Variants in GSE1 observed in about 807,000 individuals in gnomAD.
GSE1 encodes the protein Gse1 coiled-coil protein, also known as genetic suppressor element 1.
In GSE1, 32 loss-of-function variants were observed where a neutral mutation model predicts 112.6. That is an observed-to-expected ratio of 0.28 (90% CI 0.21 to 0.38). The LOEUF is 0.38. Ranked by LOEUF, GSE1 falls within the 10% of genes least tolerant of loss-of-function variation. The pLI, the probability that GSE1 is intolerant of heterozygous loss-of-function variation, is 1.00. For synonymous variants in GSE1, 1,115 were observed against 735.6 expected, an observed-to-expected ratio of 1.52 and a Z score of -8.35; for missense variants, 2,348 against 1,699.2, an observed-to-expected ratio of 1.38 and a Z score of -6.71.
At chr16:85,437,749 A>C (rs1187705745) in intron 2 of GSE1, among the ~76,000 whole-genome samples, 1 of 152,158 alleles carries the variant, frequency 6.6e-6, no homozygotes, top group Non-Finnish European at 1.5e-5. Context: ...GAATCCACAG[A>C]TCAGGGCTGG....
intron 1 of GSE1, among the ~76,000 whole-genome samples, chr16:85,176,458 G>C (rs1420098047): frequency 6.6e-6 from 1 of 152,250 alleles, no homozygotes. Context: ...GAGCAGTGGT[G>C]CCCCGTGCCT....
At chr16:85,281,785 G>T (rs186203104) in intron 1 of GSE1, among the ~76,000 whole-genome samples, 57 of 152,264 alleles carry the variant, frequency 3.7e-4, no homozygotes, top group Non-Finnish European at 6.5e-4. Flanking sequence ...TGTGCACGGG[G>T]TTAGTGTTGC....
chr16:85,364,201 G>A (rs117336357), intron 2 of GSE1, among the ~76,000 whole-genome samples: 92 of 152,250 alleles, frequency 6.0e-4, no homozygotes, highest in East Asian at 5.6e-3. Context: ...CTTGACTTGC[G>A]GCCCCTCCCT....
intron 2 of GSE1, among the ~76,000 whole-genome samples, chr16:85,426,357 G>T (rs2048988228): frequency 6.6e-6 from 1 of 151,002 alleles, no homozygotes; most frequent in African/African-American, 2.4e-5. Context: ...AAGAAGGGTG[G>T]GTGGGCTGGT....
At chr16:85,575,470 T>TCCCTCTCGTCTCCCCTCTCGTCTC (rs367924751) in intron 1 of GSE1, among the ~76,000 whole-genome samples, 3 of 152,080 alleles carry the variant, frequency 2.0e-5, no homozygotes, top group Non-Finnish European at 4.4e-5. Context: ...GGGACCGGCT[T>TCCCTCTCGTCTCCCCTCTCGTCTC]CCCTCTCGTC....
intron 2 of GSE1, among the ~76,000 whole-genome samples, chr16:85,530,586 C>T (rs1365851987): frequency 6.6e-6 from 1 of 152,172 alleles, no homozygotes; most frequent in Non-Finnish European, 1.5e-5. Flanking sequence ...CCTTGGGTGA[C>T]ATGCCTGCGA....
intron 1 of GSE1, among the ~76,000 whole-genome samples, chr16:85,334,277 G>A (rs745713282): frequency 1.3e-5 from 2 of 152,236 alleles, no homozygotes; most frequent in Non-Finnish European, 2.9e-5. Flanking sequence ...TTGCCACCTG[G>A]TGGCCCTGGG....
chr16:85,655,098 G>A (rs2051805770), intron 5 of GSE1, 107 bp downstream of exon 5: 3 of 778,960 alleles, frequency 3.9e-6, no homozygotes, highest in South Asian at 1.5e-5. Context: ...AGGCTCCTAG[G>A]GGAGGGTCTA....
At position 85,672,470 on chromosome 16, in the gene GSE1, C is replaced by T; in HGVS notation, c.3585C>T (p.His1195=). The stretch of plus-strand genomic sequence containing the variant: ...AGCGGCTCCAGGCAGAACTGGACCA[C>T]TTACGAAAGTGCCTTGCCTTGCCTG... ...ERERLQAELD[H]LRKCLALPAM... is the part of the protein sequence containing the mutation. The change falls in exon 16 of 16, where the codon CAC becomes CAT. Residue 1195 remains histidine (H), a synonymous_variant. Transcript: ENST00000253458. 1 of 1,611,216 alleles carries T rather than the reference C, an allele frequency of 6.2e-7. No homozygotes were observed. Among genetic ancestry groups the T allele is most frequent in the East Asian group, 2.2e-5 (1 of 44,854 alleles).
In GSE1 at chr16:85,675,597, G is replaced by T. The variant is rs1053718981; in HGVS notation, c.*3058G>T. On this transcript the variant is annotated 3_prime_UTR_variant, in exon 16 of 16. Coordinates refer to ENST00000253458, the MANE Select transcript of GSE1 (RefSeq NM_014615.5). ...TCAGCAGTGAAGGATTCTAACACAG[G>T]GAATCTGCAGTTTGTAGCAGAATGG... The T allele has an allele frequency of 3.3e-4, 51 of 152,246 alleles. No individual in the cohort carries two copies. Among genetic ancestry groups the T allele is most frequent in the African/African-American group, 1.1e-3 (46 of 41,540 alleles). 9.4% of individuals were successfully genotyped at this position (152,246 alleles called of 1,614,324 possible). A position where few individuals can be genotyped will look rare whatever the true frequency, so the allele number is the denominator to read the frequency against.
chr16:85,458,115 C>T (rs1218475742), intron 2 of GSE1, among the ~76,000 whole-genome samples: 1 of 152,238 alleles, frequency 6.6e-6, no homozygotes, highest in Non-Finnish European at 1.5e-5. Flanking sequence ...CGGGCTTCCT[C>T]AGAGGCCCCT....
At chr16:85,465,737 C>G in intron 2 of GSE1, among the ~76,000 whole-genome samples, 1 of 152,198 alleles carries the variant, frequency 6.6e-6, no homozygotes, top group East Asian at 1.9e-4. Context: ...TACATTTGTA[C>G]CTATTTTCTC....
intron 1 of GSE1, among the ~76,000 whole-genome samples, chr16:85,327,063 A>G (rs1424556687): frequency 6.6e-6 from 1 of 152,200 alleles, no homozygotes; most frequent in Non-Finnish European, 1.5e-5. Flanking sequence ...GCGTGCACCT[A>G]CCACAGGGCT....
At chr16:85,520,598 T>G (rs1270621113) in intron 2 of GSE1, among the ~76,000 whole-genome samples, 1 of 152,000 alleles carries the variant, frequency 6.6e-6, no homozygotes, top group Non-Finnish European at 1.5e-5. Context: ...ATTTTTGTTT[T>G]TTTTAGTAGA....
chr16:85,632,561 C>T (rs781606624), intron 1 of GSE1, among the ~76,000 whole-genome samples: 3 of 152,222 alleles, frequency 2.0e-5, no homozygotes, highest in Non-Finnish European at 2.9e-5. Flanking sequence ...GCCTCCGAGC[C>T]TGCTGTCCCA....
chr16:85,322,809 T>A (rs2046139948), intron 1 of GSE1, among the ~76,000 whole-genome samples: 1 of 151,920 alleles, frequency 6.6e-6, no homozygotes, highest in Non-Finnish European at 1.5e-5. Flanking sequence ...AGAGAGGGGG[T>A]TTCACCATGT....
chr16:85,400,715 T>G (rs964964477), intron 2 of GSE1, among the ~76,000 whole-genome samples: 15 of 151,904 alleles, frequency 9.9e-5, no homozygotes, highest in Admixed American at 9.8e-4. Flanking sequence ...TGTATGTGTC[T>G]GTGTCTCTGT....
rs530925339 is a variant in GSE1 at position 85,329,151 on chromosome 16, C to G, written c.2284-28312C>G. 2.0e-5 allele frequency among the ~76,000 whole-genome samples: 3 copies of G among 152,326 alleles called. No individual in the cohort carries two copies. The East Asian group carries it at 5.8e-4, about 29-fold the overall frequency. Reference sequence around the variant, plus strand: ...CTGGGCCCCCCAGAAAGAGCCACAGCCTTGGCATCAAACCAAGCCCAGCTA... The same window carrying G: ...CTGGGCCCCCCAGAAAGAGCCACAGGCTTGGCATCAAACCAAGCCCAGCTA... On this transcript the variant is annotated intron_variant, in intron 1 of 2. Coordinates refer to the GSE1 transcript ENST00000637419.
At chr16:85,648,432 G>T in intron 2 of GSE1, 120 bp from the exon 3 acceptor site, 2 of 605,328 alleles carry the variant, frequency 3.3e-6, no homozygotes, top group South Asian at 2.1e-5. Context: ...GAGGCTGGTA[G>T]ACCTGGAGGT....
Sources: allele counts gnomAD v4.1 joint callset (sites outside exome capture counted in the v4.1 genomes callset), GRCh38; gene constraint gnomAD v4.1.1; transcripts MANE v1.5; gene names NCBI Gene and HGNC (gene_info 2026-07-23, HGNC 2026-07-21).